The following THRB variants were observed in gnomAD, a reference collection of about 807,000 sequenced individuals.
THRB encodes thyroid hormone receptor beta.
In THRB, 12 loss-of-function variants were observed where a neutral mutation model predicts 47.8. The ratio of observed to expected loss-of-function variants is 0.25; its 90% CI spans 0.16 to 0.41. The LOEUF is 0.41. Ranked by LOEUF, THRB falls within the 10% of genes least tolerant of loss-of-function variation. The pLI is 1.00. For synonymous variants in THRB, 218 were observed against 212.2 expected (o/e 1.03, Z -0.24); for missense variants, 348 against 589.2 (o/e 0.59, Z 4.24).
At chr3:24,166,085 T>C (rs1227118696) in intron 5 of THRB, among the ~76,000 whole-genome samples, 1 of 152,192 alleles carries the variant, frequency 6.6e-6, no homozygotes, top group African/African-American at 2.4e-5. Flanking sequence ...CCGCTGGTTT[T>C]TAAAACATGC....
At chr3:24,283,035 A>G (rs890241906) in intron 3 of THRB, among the ~76,000 whole-genome samples, 4 of 151,578 alleles carry the variant, frequency 2.6e-5, no homozygotes, top group Admixed American at 6.6e-5. Context: ...TCCTTCTGAA[A>G]CTATTCCAAT....
chr3:24,152,966 AAAAAAAAG>A (rs780196262), intron 5 of THRB, among the ~76,000 whole-genome samples: 8 of 78,454 alleles, frequency 1.0e-4, no homozygotes, highest in South Asian at 6.1e-4. Context: ...CTGCCAAAAA[AAAAAAAAG>A]AAAGAAAGAA....
chr3:24,226,411 T>C (rs2047657767), intron 4 of THRB, among the ~76,000 whole-genome samples: 1 of 152,214 alleles, frequency 6.6e-6, no homozygotes, highest in South Asian at 2.1e-4. Context: ...TCTAAAGTAA[T>C]GATTTTCTCA....
intron 4 of THRB, among the ~76,000 whole-genome samples, chr3:24,206,612 C>A (rs2045384336): frequency 6.6e-6 from 1 of 152,120 alleles, no homozygotes; most frequent in African/African-American, 2.4e-5. Flanking sequence ...CAAGAGCAGA[C>A]ACATTGAAAA....
chr3:24,191,442 A>G (rs902824102), intron 4 of THRB, among the ~76,000 whole-genome samples: 1 of 152,130 alleles, frequency 6.6e-6, no homozygotes, highest in African/African-American at 2.4e-5. Context: ...ACAAATTTAT[A>G]TGTGAATTTT....
Position 24,481,235 on chromosome 3 carries a change from T to TG in THRB, c.-261+13416_-261+13417insC, listed in dbSNP as rs1696334932. ...TGTGGATGCGTTTCTTTCTGTTTTTTTTTTTTTTTTTTTTTTTTTTTTACG... is the reference window on the plus strand; with the variant it reads ...TGTGGATGCGTTTCTTTCTGTTTTTTGTTTTTTTTTTTTTTTTTTTTTTACG... On this transcript the variant is annotated intron_variant, in intron 1 of 10. Coordinates refer to ENST00000646209, the MANE Select transcript of THRB (RefSeq NM_001354712.2). Among the ~76,000 whole-genome samples, 4 of 138,192 alleles carry TG rather than the reference T, an allele frequency of 2.9e-5. No individual in the cohort carries two copies. The South Asian group carries it at 1.0e-3, about 35-fold the overall frequency. 90.7% of individuals were successfully genotyped at this position (138,192 alleles called of 152,430 possible).
At chr3:24,124,803 C>A (rs2032415096) in intron 10 of THRB, among the ~76,000 whole-genome samples, 1 of 152,174 alleles carries the variant, frequency 6.6e-6, no homozygotes, top group Non-Finnish European at 1.5e-5. Flanking sequence ...GAACATCAGG[C>A]CCCATGATAG....
rs61594117 is a variant in THRB at position 24,218,324 on chromosome 3, GTC to G, written c.22+10612_22+10613del. Among the ~76,000 whole-genome samples the G allele has an allele frequency of 3.6e-3, 488 of 133,896 alleles. 7 individuals are homozygous for G. The highest frequency in any genetic ancestry group is 0.033 in the South Asian group (136 of 4,134). The allele number at this position is 133,896 out of a possible 152,430, so 87.8% of individuals were successfully genotyped here. ...ATAAAGAATAACAAATAAATTTTTT[GTC>G]TCTCTCTCTCTCTCTCTTTTTTTTT... On this transcript the variant is annotated intron_variant, in intron 4 of 10. Transcript: ENST00000646209.
At chr3:24,289,247 G>A (rs1368028315) in intron 3 of THRB, among the ~76,000 whole-genome samples, 2 of 152,164 alleles carry the variant, frequency 1.3e-5, no homozygotes, top group Non-Finnish European at 1.5e-5. Context: ...AAGATCTTTA[G>A]GTAGACAACT....
chr3:24,398,138 T>C (rs2067113357), intron 1 of THRB, among the ~76,000 whole-genome samples: 1 of 152,210 alleles, frequency 6.6e-6, no homozygotes, highest in South Asian at 2.1e-4. Flanking sequence ...TTAACTCTCA[T>C]TTTTTAAAAA....
At chr3:24,178,212 A>G (rs1207257501) in intron 5 of THRB, among the ~76,000 whole-genome samples, 1 of 152,262 alleles carries the variant, frequency 6.6e-6, no homozygotes, top group Non-Finnish European at 1.5e-5. Flanking sequence ...CTAAGATATA[A>G]GTGGTTTGGA....
intron 3 of THRB, among the ~76,000 whole-genome samples, chr3:24,270,890 G>A (rs909708598): frequency 5.9e-5 from 9 of 152,152 alleles, no homozygotes; most frequent in African/African-American, 1.9e-4. Flanking sequence ...ACACAGAAAT[G>A]TTTAGGATTC....
chr3:24,475,703 TCTTCA>T (rs1695352807), intron 1 of THRB, among the ~76,000 whole-genome samples: 1 of 152,202 alleles, frequency 6.6e-6, no homozygotes, highest in African/African-American at 2.4e-5. Context: ...AGGTATCTCA[TCTTCA>T]CTATCAAGCA....
At chr3:24,416,804 T>A (rs2068769622) in intron 1 of THRB, among the ~76,000 whole-genome samples, 1 of 151,732 alleles carries the variant, frequency 6.6e-6, no homozygotes, top group South Asian at 2.1e-4. Flanking sequence ...ACAGAATCAA[T>A]CTCCTAAGGT....
At chr3:24,281,519 G>C (rs183637705) in intron 3 of THRB, among the ~76,000 whole-genome samples, 1 of 150,592 alleles carries the variant, frequency 6.6e-6, no homozygotes, top group Non-Finnish European at 1.5e-5. Context: ...GGAGGAAACC[G>C]CATCAACTAA....
chr3:24,239,166 T>C lies in THRB; in HGVS notation c.-42-10165A>G, dbSNP rs1040420308. Among the ~76,000 whole-genome samples the C allele has an allele frequency of 3.3e-5, 5 of 152,294 alleles. 1 individual carries two copies. The highest frequency in any genetic ancestry group is 1.2e-4 in the African/African-American group (5 of 41,572). Reference sequence around the variant, plus strand: ...CATGTTGGCCAGTCTGGTCTTGAACTCTTGGCCTCAAGTGATCTGCCCACC... The same window carrying C: ...CATGTTGGCCAGTCTGGTCTTGAACCCTTGGCCTCAAGTGATCTGCCCACC... On this transcript the variant is annotated intron_variant, in intron 3 of 10. Transcript: ENST00000646209.
chr3:24,234,086 C>T (rs1431812248), intron 3 of THRB, among the ~76,000 whole-genome samples: 1 of 152,174 alleles, frequency 6.6e-6, no homozygotes, highest in Admixed American at 6.5e-5. Flanking sequence ...CTGCATGTCC[C>T]TCACTCCTTC....
chr3:24,136,289 G>A (rs1422276871), intron 8 of THRB, among the ~76,000 whole-genome samples: 1 of 152,108 alleles, frequency 6.6e-6, no homozygotes, highest in Non-Finnish European at 1.5e-5. Context: ...ATTGCTAGAA[G>A]TAAAACTATG....
At chr3:24,136,384 C>T (rs981013393) in intron 8 of THRB, among the ~76,000 whole-genome samples, 2 of 152,132 alleles carry the variant, frequency 1.3e-5, no homozygotes, top group Non-Finnish European at 2.9e-5. Flanking sequence ...AAGAATCTAT[C>T]TATCTGTTTG....
Sources: allele counts gnomAD v4.1 joint callset (sites outside exome capture counted in the v4.1 genomes callset), GRCh38; gene constraint gnomAD v4.1.1; transcripts MANE v1.5; gene names NCBI Gene and HGNC (gene_info 2026-07-23, HGNC 2026-07-21).